ARHGEF26: variants seen among roughly 807,000 people sequenced by gnomAD.
ARHGEF26 encodes Rho guanine nucleotide exchange factor (GEF) 26.
A neutral mutation model predicts 89.4 loss-of-function variants in ARHGEF26; 59 were observed. The ratio of observed to expected loss-of-function variants is 0.66; its 90% CI spans 0.54 to 0.82. The LOEUF is 0.82. ARHGEF26 is among the 40% of genes least tolerant of loss of function. The pLI is 0.00. For synonymous variants in ARHGEF26, 500 were observed against 428.4 expected, an observed-to-expected ratio of 1.17 and a Z score of -2.06; for missense variants, 1,234 against 1,085.6, an observed-to-expected ratio of 1.14 and a Z score of -1.92.
At chr3:154,222,352 G>A (rs78324222) in intron 10 of ARHGEF26, among the ~76,000 whole-genome samples, 1,634 of 152,286 alleles carry the variant, frequency 0.011, 23 homozygotes, top group African/African-American at 0.037. Flanking sequence ...GAGATGGAAA[G>A]CATCCCTGGA....
intron 12 of ARHGEF26, among the ~76,000 whole-genome samples, chr3:154,244,727 C>T (rs1323608658): frequency 1.4e-5 from 2 of 147,588 alleles, no homozygotes; most frequent in African/African-American, 2.5e-5. Context: ...TAATTATATA[C>T]ATGGTCCAAC....
intron 12 of ARHGEF26, among the ~76,000 whole-genome samples, chr3:154,243,838 C>G (rs355746): frequency 0.7 from 105,890 of 150,300 alleles, 37,517 homozygotes; most frequent in South Asian, 0.78. Context: ...TATTTAACAA[C>G]TAAAGACGCA....
At chr3:154,178,128 C>T (rs978291976) in intron 6 of ARHGEF26, among the ~76,000 whole-genome samples, 5 of 152,024 alleles carry the variant, frequency 3.3e-5, no homozygotes, top group Admixed American at 2.6e-4. Flanking sequence ...CGCTTGAACC[C>T]GGGAGGTGGA....
At chr3:154,217,687 A>G (rs1174696662) in intron 9 of ARHGEF26, among the ~76,000 whole-genome samples, 182 bp from the exon 10 acceptor site, 1 of 152,122 alleles carries the variant, frequency 6.6e-6, no homozygotes, top group Non-Finnish European at 1.5e-5. Flanking sequence ...CTGTCTTCAC[A>G]TCCTAATCAC....
intron 4 of ARHGEF26, among the ~76,000 whole-genome samples, chr3:154,134,950 GC>G (rs1366163838): frequency 6.6e-6 from 1 of 152,146 alleles, no homozygotes; most frequent in Non-Finnish European, 1.5e-5. Flanking sequence ...TGGTGGATAA[GC>G]TTTTTGATGT....
intron 4 of ARHGEF26, among the ~76,000 whole-genome samples, chr3:154,143,238 G>A (rs1439123545): frequency 6.6e-6 from 1 of 152,214 alleles, no homozygotes; most frequent in East Asian, 1.9e-4. Context: ...TAACATTTTT[G>A]TCTATAACTT....
At chr3:154,244,739 C>G (rs868825387) in intron 12 of ARHGEF26, among the ~76,000 whole-genome samples, 33 of 110,474 alleles carry the variant, frequency 3.0e-4, no homozygotes, top group South Asian at 6.0e-4. Context: ...TGGTCCAACT[C>G]TCTCATTTTC....
intron 4 of ARHGEF26, among the ~76,000 whole-genome samples, chr3:154,135,582 C>T (rs887710158): frequency 1.3e-5 from 2 of 152,176 alleles, no homozygotes; most frequent in Admixed American, 6.5e-5. Context: ...AACCCTGCTG[C>T]ACGCAGGTAA....
At chr3:154,201,041 TGCACA>T in intron 9 of ARHGEF26, among the ~76,000 whole-genome samples, 1 of 152,260 alleles carries the variant, frequency 6.6e-6, no homozygotes, top group East Asian at 1.9e-4. Flanking sequence ...AGGGTACATG[TGCACA>T]AGGTGCAGGT....
At chr3:154,217,702 CT>C (rs1240036289) in intron 9 of ARHGEF26, among the ~76,000 whole-genome samples, 166 bp from the exon 10 acceptor site, 2 of 152,190 alleles carry the variant, frequency 1.3e-5, no homozygotes, top group Non-Finnish European at 1.5e-5. Context: ...AATCACACCA[CT>C]TCTAACTGGA....
At chr3:154,210,868 G>A (rs1042712401) in intron 9 of ARHGEF26, among the ~76,000 whole-genome samples, 11 of 151,446 alleles carry the variant, frequency 7.3e-5, no homozygotes, top group African/African-American at 2.4e-4. Context: ...ACTTGAACCC[G>A]GGAGGTGGAG....
At chr3:154,210,002 C>T (rs772687024) in intron 9 of ARHGEF26, among the ~76,000 whole-genome samples, 4 of 152,182 alleles carry the variant, frequency 2.6e-5, no homozygotes, top group African/African-American at 7.2e-5. Context: ...TTTCCAAAGA[C>T]GGGAGCCTCT....
At chr3:154,135,776 C>G (rs1048735473) in intron 4 of ARHGEF26, among the ~76,000 whole-genome samples, 1 of 152,170 alleles carries the variant, frequency 6.6e-6, no homozygotes, top group Non-Finnish European at 1.5e-5. Flanking sequence ...CCAAAGGGTT[C>G]ATTCATTAGT....
chr3:154,250,391 G>T (rs1299495588), intron 12 of ARHGEF26, among the ~76,000 whole-genome samples: 1 of 151,352 alleles, frequency 6.6e-6, no homozygotes, highest in Non-Finnish European at 1.5e-5. Context: ...AAGAGGGGGG[G>T]GTGGGACTCA....
chr3:154,128,437 C>A (rs1718466812), intron 3 of ARHGEF26, among the ~76,000 whole-genome samples: 1 of 152,146 alleles, frequency 6.6e-6, no homozygotes, highest in South Asian at 2.1e-4. Flanking sequence ...CAGGATCTCA[C>A]TATGTTGCCC....
At chr3:154,121,816 G>A (rs1029980261) in intron 1 of ARHGEF26, 126 bp from the exon 2 acceptor site, 15 of 823,918 alleles carry the variant, frequency 1.8e-5, no homozygotes, top group Admixed American at 3.1e-5. Context: ...CCGAGAAAGG[G>A]CGGGTAAGTG....
rs1718581948 is a variant in ARHGEF26 at position 154,257,262 on chromosome 3, G to C, written c.*1789G>C. ...ATATTTCAGACCGTGAGTACCTTGA[G>C]ATCTGAGCAACTGTGTTAATGAAGT... On this transcript the variant is annotated 3_prime_UTR_variant, in exon 15 of 15. Transcript: ENST00000465093. 2 of 209,194 alleles carry C rather than the reference G, an allele frequency of 9.6e-6. No individual in the cohort carries two copies. Among genetic ancestry groups the C allele is most frequent in the African/African-American group, 4.6e-5 (2 of 43,702 alleles). The allele number at this position is 209,194 out of a possible 1,614,324, so 13.0% of individuals were successfully genotyped here.
intron 10 of ARHGEF26, among the ~76,000 whole-genome samples, chr3:154,223,667 G>A (rs1716280037): frequency 6.6e-6 from 1 of 152,174 alleles, no homozygotes; most frequent in Non-Finnish European, 1.5e-5. Flanking sequence ...AAGTAGATTA[G>A]TGGTTGCCAG....
chr3:154,218,703 C>A (rs1715931709), intron 10 of ARHGEF26, among the ~76,000 whole-genome samples: 1 of 152,180 alleles, frequency 6.6e-6, no homozygotes. Flanking sequence ...TAGTGATCAG[C>A]ATTTCATGGT....
Sources: allele counts gnomAD v4.1 joint callset (sites outside exome capture counted in the v4.1 genomes callset), GRCh38; gene constraint gnomAD v4.1.1; transcripts MANE v1.5; gene names NCBI Gene and HGNC (gene_info 2026-07-23, HGNC 2026-07-21).